LRP1B: variants seen among roughly 807,000 people sequenced by gnomAD.
The protein encoded by LRP1B is LDL receptor related protein 1B, also known as low-density lipoprotein receptor-related protein 1B.
A neutral mutation model predicts 556.6 loss-of-function variants in LRP1B; 217 were observed. That is an observed-to-expected ratio of 0.39 (90% CI 0.35 to 0.44). The LOEUF is 0.44. Ranked by LOEUF, LRP1B falls within the 20% of genes least tolerant of loss-of-function variation. LRP1B has a pLI of 1.00. For synonymous variants in LRP1B, 2,047 were observed against 1,865.8 expected, an observed-to-expected ratio of 1.10 and a Z score of -2.50; for missense variants, 5,053 against 5,620.8, an observed-to-expected ratio of 0.90 and a Z score of 3.23.
chr2:141,898,953 G>C (rs1699536833), intron 1 of LRP1B, among the ~76,000 whole-genome samples: 1 of 152,098 alleles, frequency 6.6e-6, no homozygotes, highest in African/African-American at 2.4e-5. Flanking sequence ...GAAACCCACT[G>C]TCCGACTGCA....
At chr2:141,524,280 A>ATATATATATATATATATATATATATATAT (rs1553528056) in intron 2 of LRP1B, among the ~76,000 whole-genome samples, 2 of 151,416 alleles carry the variant, frequency 1.3e-5, no homozygotes, top group African/African-American at 4.8e-5. Context: ...ATATATATAT[A>ATATATATATATATATATATATATATATAT]AAACTCAATG....
In LRP1B at chr2:141,421,949, C is replaced by T. The variant is rs548558979; in HGVS notation, c.343+58447G>A. 9.9e-5 allele frequency among the ~76,000 whole-genome samples: 15 copies of T among 152,256 alleles called. No homozygotes were observed. The South Asian group carries it at 3.1e-3, about 32-fold the overall frequency. On this transcript the variant is annotated intron_variant, in intron 3 of 90. Coordinates refer to ENST00000389484, the MANE Select transcript of LRP1B (RefSeq NM_018557.3). ...CTCTCTCTTGGTTGTTGAGGATAGA[C>T]GTCATGCTACCAGAATGTAACATTT...
At chr2:140,248,302 CAT>C (rs1343323978) in intron 86 of LRP1B, among the ~76,000 whole-genome samples, 1 of 151,436 alleles carries the variant, frequency 6.6e-6, no homozygotes, top group Admixed American at 6.6e-5. Flanking sequence ...TTCAAAGAAG[CAT>C]ATATAGACTT....
At chr2:140,911,115 G>T (rs1172141657) in intron 21 of LRP1B, among the ~76,000 whole-genome samples, 2 of 151,778 alleles carry the variant, frequency 1.3e-5, no homozygotes, top group African/African-American at 4.8e-5. Context: ...CTACATAAGT[G>T]AATGAAAACT....
chr2:140,966,965 G>A (rs1696244259), intron 18 of LRP1B, among the ~76,000 whole-genome samples: 2 of 152,126 alleles, frequency 1.3e-5, no homozygotes, highest in African/African-American at 4.8e-5. Context: ...ATAGTTTGAA[G>A]TCAGGTAGAG....
chr2:141,498,842 T>A (rs1192994575), intron 2 of LRP1B, among the ~76,000 whole-genome samples: 2 of 152,106 alleles, frequency 1.3e-5, no homozygotes, highest in Non-Finnish European at 2.9e-5. Flanking sequence ...ATCTATTGTA[T>A]GTGTTTCTGT....
chr2:140,667,093 G>A (rs959459634), intron 41 of LRP1B, among the ~76,000 whole-genome samples: 3 of 152,162 alleles, frequency 2.0e-5, no homozygotes, highest in South Asian at 2.1e-4. Context: ...AAAGTTAGGC[G>A]CATTGGCATG....
Position 142,008,638 on chromosome 2 carries a change from C to G in LRP1B, c.82+122010G>C, listed in dbSNP as rs562996191. Among the ~76,000 whole-genome samples, 5 of 151,660 alleles carry G rather than the reference C, an allele frequency of 3.3e-5. No individual in the cohort carries two copies. In the East Asian group the frequency reaches 9.7e-4, roughly 30 times the overall value. On this transcript the variant is annotated intron_variant, in intron 1 of 90. Coordinates refer to ENST00000389484, the MANE Select transcript of LRP1B (RefSeq NM_018557.3). ...AGTTTTGAGTTTCTTTTACTGAACT[C>G]TTTACTGACTGGCTGTTTCTGACTA...
At chr2:141,707,816 C>A (rs766061287) in intron 2 of LRP1B, among the ~76,000 whole-genome samples, 1 of 152,072 alleles carries the variant, frequency 6.6e-6, no homozygotes, top group African/African-American at 2.4e-5. Context: ...CAGGAGACAG[C>A]CTGCCAGATT....
chr2:142,009,655 T>C (rs1199954734), intron 1 of LRP1B, among the ~76,000 whole-genome samples: 2 of 152,218 alleles, frequency 1.3e-5, no homozygotes, highest in African/African-American at 4.8e-5. Flanking sequence ...CTGTAAGACA[T>C]TACAAAATAT....
chr2:141,092,126 T>G (rs946806985), intron 7 of LRP1B, among the ~76,000 whole-genome samples: 3 of 152,188 alleles, frequency 2.0e-5, no homozygotes, highest in Admixed American at 2.0e-4. Flanking sequence ...ATGACAAAAT[T>G]TGTTTTGTTA....
At chr2:140,299,230 T>G (rs78038119) in intron 83 of LRP1B, among the ~76,000 whole-genome samples, 6,788 of 152,152 alleles carry the variant, frequency 0.045, 255 homozygotes, top group Middle Eastern at 0.16. Flanking sequence ...TGAGAAACAT[T>G]CCTCAGTGAA....
At chr2:141,666,417 G>T (rs556811234) in intron 2 of LRP1B, among the ~76,000 whole-genome samples, 4 of 152,108 alleles carry the variant, frequency 2.6e-5, no homozygotes, top group African/African-American at 4.8e-5. Context: ...GACAGGTCTG[G>T]TTATGTTGCC....
chr2:140,523,428 T>C (rs1443554873), intron 49 of LRP1B, among the ~76,000 whole-genome samples: 2 of 151,678 alleles, frequency 1.3e-5, no homozygotes, highest in Admixed American at 6.6e-5. Context: ...CAATCTCAAA[T>C]TGAAGGTGCA....
chr2:140,335,027 G>C, intron 78 of LRP1B, among the ~76,000 whole-genome samples: 1 of 151,938 alleles, frequency 6.6e-6, no homozygotes, highest in East Asian at 1.9e-4. Flanking sequence ...TTAAGTATAA[G>C]TTGTCTCTTT....
At chr2:141,054,617 T>C (rs758026671) in intron 10 of LRP1B, among the ~76,000 whole-genome samples, 2 of 152,020 alleles carry the variant, frequency 1.3e-5, no homozygotes, top group Non-Finnish European at 2.9e-5. Flanking sequence ...AAATGTTTGA[T>C]CTCTAATTAG....
At chr2:142,055,387 A>G (rs1333243260) in intron 1 of LRP1B, among the ~76,000 whole-genome samples, 2 of 152,172 alleles carry the variant, frequency 1.3e-5, no homozygotes, top group Non-Finnish European at 2.9e-5. Context: ...TTATTTACTA[A>G]CTTCAGAAGA....
At chr2:141,587,993 T>G (rs1418846835) in intron 2 of LRP1B, among the ~76,000 whole-genome samples, 2 of 152,218 alleles carry the variant, frequency 1.3e-5, no homozygotes, top group African/African-American at 4.8e-5. Flanking sequence ...GTCTTCTAAA[T>G]GCTAATACCT....
intron 42 of LRP1B, among the ~76,000 whole-genome samples, chr2:140,600,766 G>GTTTTTTTT (rs1558996101): frequency 3.0e-4 from 14 of 46,200 alleles, no homozygotes; most frequent in African/African-American, 1.1e-3. Flanking sequence ...TGTTCTTCGG[G>GTTTTTTTT]GTTTTTTTTT....
Sources: gnomAD v4.1 joint callset for allele counts (sites outside exome capture counted in the v4.1 genomes callset) on GRCh38, gnomAD v4.1.1 for gene constraint, MANE v1.5 for transcripts, NCBI Gene and HGNC (gene_info 2026-07-23, HGNC 2026-07-21) for gene names.